The following GYPB variants were observed in gnomAD, a reference collection of about 807,000 sequenced individuals.
GYPB encodes the protein glycophorin B (MNS blood group), also known as glycophorin-B.
In GYPB, 13 loss-of-function variants were observed where a neutral mutation model predicts 15.3. That is an observed-to-expected ratio of 0.85 (90% confidence interval 0.55 to 1.35). GYPB has a LOEUF of 1.35. Among genes scored for constraint, GYPB ranks in the 40% most tolerant of loss-of-function variants. The pLI is 0.00. For missense variants in GYPB, 131 were observed against 108.3 expected (o/e 1.21, Z -0.93); for synonymous variants, 38 against 36.9 (o/e 1.03, Z -0.11).
At chr4:144,004,511 A>G (rs2149960905) in intron 1 of GYPB, among the ~76,000 whole-genome samples, 1 of 151,828 alleles carries the variant, frequency 6.6e-6, no homozygotes, top group East Asian at 1.9e-4. Context: ...TAACTTTTAA[A>G]TAATTTGGTA....
At chr4:144,000,864 C>T (rs371282004) in intron 2 of GYPB, among the ~76,000 whole-genome samples, 1 of 151,236 alleles carries the variant, frequency 6.6e-6, no homozygotes, top group South Asian at 2.1e-4. Context: ...CTGAGCTGAA[C>T]TCATTTTGCC....
chr4:144,013,848 C>T (rs915339456), intron 1 of GYPB, among the ~76,000 whole-genome samples: 4 of 150,646 alleles, frequency 2.7e-5, no homozygotes, highest in African/African-American at 1.0e-4. Context: ...GTGCAGTGCA[C>T]CAGCATGGCA....
chr4:143,996,148 C>T lies in GYPB; in HGVS notation c.*151G>A, dbSNP rs1254646366. The T allele has an allele frequency of 2.0e-6, 3 of 1,492,570 alleles. No homozygotes were observed. The highest frequency in any genetic ancestry group is 9.0e-7 in the Non-Finnish European group (1 of 1,112,278). The allele number at this position is 1,492,570 out of a possible 1,614,324, so 92.5% of individuals were successfully genotyped here. Reference sequence around the variant, plus strand: ...TATTTTTATTTAGAAGTAGAGAATACAGTAATAGTGAGGCAGGAGAACAGG... The same window carrying T: ...TATTTTTATTTAGAAGTAGAGAATATAGTAATAGTGAGGCAGGAGAACAGG... On this transcript the variant is annotated 3_prime_UTR_variant, in exon 5 of 5. Coordinates refer to ENST00000502664, the MANE Select transcript of GYPB (RefSeq NM_002100.6).
chr4:144,005,025 T>C (rs1212579707), intron 1 of GYPB, among the ~76,000 whole-genome samples: 4 of 151,948 alleles, frequency 2.6e-5, no homozygotes, highest in African/African-American at 9.7e-5. Flanking sequence ...TTTTTATCTC[T>C]TTGCCTTTGG....
At chr4:144,011,424 A>G (rs145601104) in intron 1 of GYPB, among the ~76,000 whole-genome samples, 1,738 of 151,110 alleles carry the variant, frequency 0.012, 80 homozygotes, top group African/African-American at 0.041. Flanking sequence ...AGGAATAACC[A>G]TATTAATCTT....
chr4:144,009,614 T>C (rs1307807113), intron 1 of GYPB, among the ~76,000 whole-genome samples: 8 of 109,914 alleles, frequency 7.3e-5, no homozygotes, highest in African/African-American at 3.0e-4. Context: ...TTTTTTTTTT[T>C]TTTTTTTTTT....
At chr4:144,008,723 T>G (rs944696485) in intron 1 of GYPB, among the ~76,000 whole-genome samples, 11 of 151,460 alleles carry the variant, frequency 7.3e-5, no homozygotes, top group Admixed American at 6.6e-4. Flanking sequence ...AAGAAAAACT[T>G]TATCCCAAAG....
intron 1 of GYPB, among the ~76,000 whole-genome samples, chr4:144,017,357 A>G (rs1302456004): frequency 1.4e-5 from 2 of 145,814 alleles, no homozygotes; most frequent in Non-Finnish European, 3.0e-5. Flanking sequence ...AAAGAAAAAG[A>G]AAAAAAAAGA....
intron 1 of GYPB, among the ~76,000 whole-genome samples, chr4:144,003,898 C>G (rs1727745634): frequency 6.6e-6 from 1 of 151,450 alleles, no homozygotes; most frequent in African/African-American, 2.5e-5. Context: ...CTCTTTCCAG[C>G]TGGATCTACA....
intron 3 of GYPB, 24 bp downstream of exon 3, chr4:143,999,387 A>G (rs1273624066): frequency 8.0e-6 from 11 of 1,377,578 alleles, no homozygotes; most frequent in Non-Finnish European, 1.1e-5. Flanking sequence ...AATGACTTTT[A>G]TTCTTTGTCA....
At chr4:144,017,713 G>C (rs192060501) in intron 1 of GYPB, among the ~76,000 whole-genome samples, 9 of 151,556 alleles carry the variant, frequency 5.9e-5, no homozygotes, top group Admixed American at 3.9e-4. Flanking sequence ...ACCCCCAGTA[G>C]AGTACGCAGT....
chr4:144,001,794 G>C lies in GYPB; in HGVS notation c.38-511C>G, dbSNP rs561124402. On this transcript the variant is annotated intron_variant, in intron 1 of 4. Coordinates refer to ENST00000502664, the MANE Select transcript of GYPB (RefSeq NM_002100.6). The stretch of plus-strand genomic sequence containing the variant: ...CTCATAATAATTATACAGAACAAAA[G>C]TTCTGTCCCATATCTCAGTGTCTCC... Among the ~76,000 whole-genome samples, 122 of 150,958 alleles carry C rather than the reference G, an allele frequency of 8.1e-4. 2 individuals are homozygous for C. The highest frequency in any genetic ancestry group is 2.8e-3 in the African/African-American group (112 of 40,460).
Position 144,018,393 on chromosome 4 carries a change from A to T in GYPB, c.37+858T>A, listed in dbSNP as rs1479207846. 1.1e-4 allele frequency among the ~76,000 whole-genome samples: 17 copies of T among 151,024 alleles called. 2 individuals carry two copies. The highest frequency in any genetic ancestry group is 4.2e-4 in the African/African-American group (17 of 40,380). ...CTGATCTCTCTTCCCTGTATGCTAC[A>T]GAGTGCTCAGTAGATCCTTGATACT... On this transcript the variant is annotated intron_variant, in intron 1 of 4. Coordinates refer to ENST00000502664, the MANE Select transcript of GYPB (RefSeq NM_002100.6).
intron 1 of GYPB, among the ~76,000 whole-genome samples, chr4:144,009,601 CTTTTTTTTTTTTTTTT>C (rs55807150): frequency 5.2e-5 from 3 of 57,782 alleles, no homozygotes; most frequent in Non-Finnish European, 5.5e-5. Context: ...TTTTTTCTTT[CTTTTTTTTTTTTTTTT>C]TTTTTTTTTT....
chr4:144,015,630 A>T (rs978409109), intron 1 of GYPB, among the ~76,000 whole-genome samples: 1 of 151,440 alleles, frequency 6.6e-6, no homozygotes, highest in Admixed American at 6.6e-5. Context: ...CCTAATTTAA[A>T]ATCACTACGA....
At chr4:144,001,394 G>A in intron 1 of GYPB, 111 bp from the exon 2 acceptor site, 2 of 1,568,744 alleles carry the variant, frequency 1.3e-6, no homozygotes, top group East Asian at 2.3e-5. Context: ...CCTGAGCTAA[G>A]CGCTTTAGTA....
chr4:144,004,190 A>G (rs1355294474), intron 1 of GYPB, among the ~76,000 whole-genome samples: 31 of 151,872 alleles, frequency 2.0e-4, no homozygotes, highest in Non-Finnish European at 2.2e-4. Context: ...CACCTAAATC[A>G]ACACAGTAAG....
chr4:143,999,540 C>T, intron 2 of GYPB, 91 bp from the exon 3 acceptor site: 1 of 702,618 alleles, frequency 1.4e-6, no homozygotes, highest in Admixed American at 2.6e-5. Context: ...TGCGGGTTTC[C>T]TTTTCTTAAT....
Position 144,009,828 on chromosome 4 carries a change from C to A in GYPB, c.38-8545G>T, listed in dbSNP as rs972098483. Among the ~76,000 whole-genome samples, 54 of 150,288 alleles carry A rather than the reference C, an allele frequency of 3.6e-4. 3 individuals are homozygous for A. The highest frequency in any genetic ancestry group is 1.3e-3 in the African/African-American group (53 of 40,026). ...TGGGGTTTCACTGTGTTAGCCAGGA[C>A]GATCTCGATCTCCTGACCTCGTGAT... On this transcript the variant is annotated intron_variant, in intron 1 of 4. Transcript: ENST00000502664.
Sources: allele counts gnomAD v4.1 joint callset (sites outside exome capture counted in the v4.1 genomes callset), GRCh38; gene constraint gnomAD v4.1.1; transcripts MANE v1.5; gene names NCBI Gene and HGNC (gene_info 2026-07-23, HGNC 2026-07-21).